Variants in NPSR1 observed in about 807,000 individuals in gnomAD.
NPSR1 encodes the protein neuropeptide S receptor 1, also known as neuropeptide S receptor.
In NPSR1, 48 loss-of-function variants were observed where a neutral mutation model predicts 46.9. The observed-to-expected ratio is 1.02, with a 90% CI of 0.81 to 1.30. NPSR1 has a LOEUF of 1.30. Ranked by LOEUF, NPSR1 falls within the 50% of genes most tolerant of loss-of-function variation. The probability of loss-of-function intolerance (pLI) is 0.00; values close to 1 mark genes in which losing one functional copy is unlikely to be tolerated. For synonymous variants in NPSR1, 176 were observed against 168.1 expected, an observed-to-expected ratio of 1.05 and a Z score of -0.36; for missense variants, 450 against 449.5, an observed-to-expected ratio of 1.00 and a Z score of -0.01.
At chr7:34,798,401 G>T (rs1469903820) in intron 3 of NPSR1, among the ~76,000 whole-genome samples, 3 of 152,192 alleles carry the variant, frequency 2.0e-5, no homozygotes, top group East Asian at 1.9e-4. Flanking sequence ...CAGATGTGGT[G>T]GCACGCACCT....
At chr7:34,751,374 A>G in intron 2 of NPSR1, 1 of 1,037,712 alleles carries the variant, frequency 9.6e-7, no homozygotes, top group South Asian at 1.3e-5. Flanking sequence ...CTGGGTTGCT[A>G]TAGAGGCCTG....
rs573119657 is a variant in NPSR1, at chr7:34,801,455, C to A, written c.385-10315C>A. On this transcript the variant is annotated intron_variant, in intron 3 of 8. Transcript: ENST00000360581. ...ATGTAATCCAGTATATAAACAGAAC[C>A]AAAGACAAAAACCACATGATTATCT... Among the ~76,000 whole-genome samples, 3 of 64,526 alleles carry A rather than the reference C, an allele frequency of 4.6e-5. No homozygotes were observed. In the East Asian group the frequency reaches 1.2e-3, roughly 26 times the overall value. 42.3% of individuals were successfully genotyped at this position (64,526 alleles called of 152,430 possible).
At chr7:34,823,237 A>C (rs1356288396) in intron 4 of NPSR1, among the ~76,000 whole-genome samples, 3 of 151,994 alleles carry the variant, frequency 2.0e-5, no homozygotes, top group Non-Finnish European at 4.4e-5. Flanking sequence ...CTAAAAAAAT[A>C]CAAAAATTAG....
chr7:34,760,025 C>T lies in NPSR1; in HGVS notation c.281-18437C>T, dbSNP rs1436937921. 7.2e-5 allele frequency among the ~76,000 whole-genome samples: 11 copies of T among 152,278 alleles called. No homozygotes were observed. In the East Asian group the frequency reaches 1.7e-3, roughly 24 times the overall value. The stretch of plus-strand genomic sequence containing the variant: ...ATCCGCCATCAGTTAATTTAATCAC[C>T]ACTGTTTCCATAGTGAGAATCTAAT... On this transcript the variant is annotated intron_variant, in intron 2 of 8. Transcript: ENST00000360581.
At chr7:34,688,330 C>T (rs1039170482) in intron 2 of NPSR1, among the ~76,000 whole-genome samples, 8 of 152,160 alleles carry the variant, frequency 5.3e-5, no homozygotes, top group African/African-American at 7.2e-5. Context: ...TGATGAAAAA[C>T]GAGGAGAAAA....
intron 8 of NPSR1, among the ~76,000 whole-genome samples, chr7:34,858,169 T>C (rs191940720): frequency 1.8e-4 from 27 of 151,878 alleles, no homozygotes; most frequent in African/African-American, 5.8e-4. Context: ...TCCCGTGACC[T>C]TGAAATTCCA....
intron 4 of NPSR1, among the ~76,000 whole-genome samples, chr7:34,821,127 CTTTTTTT>C (rs35086136): frequency 4.2e-5 from 4 of 94,852 alleles, no homozygotes; most frequent in Non-Finnish European, 8.6e-5. Flanking sequence ...TTGTGATACA[CTTTTTTT>C]TTTTTTTTTT....
chr7:34,862,497 C>T (rs1791212844), intron 8 of NPSR1, among the ~76,000 whole-genome samples: 1 of 151,748 alleles, frequency 6.6e-6, no homozygotes, highest in Non-Finnish European at 1.5e-5. Context: ...CCTCCCATAG[C>T]CATGGGATCA....
chr7:34,709,534 G>T (rs1214581628), intron 2 of NPSR1, among the ~76,000 whole-genome samples: 2 of 152,072 alleles, frequency 1.3e-5, no homozygotes, highest in Non-Finnish European at 2.9e-5. Context: ...GGCCTTCTGT[G>T]ACCAACCTGA....
At chr7:34,770,436 C>A (rs1040425068) in intron 2 of NPSR1, among the ~76,000 whole-genome samples, 1 of 152,102 alleles carries the variant, frequency 6.6e-6, no homozygotes, top group Non-Finnish European at 1.5e-5. Context: ...CTTGCCAATG[C>A]TTTTTTTGTT....
intron 4 of NPSR1, among the ~76,000 whole-genome samples, chr7:34,822,508 C>A (rs1433486826): frequency 2.6e-5 from 4 of 151,474 alleles, no homozygotes; most frequent in African/African-American, 9.7e-5. Context: ...AGGTCTTCAC[C>A]AAAAATGAAT....
intron 2 of NPSR1, among the ~76,000 whole-genome samples, chr7:34,699,615 C>T (rs1047278404): frequency 1.3e-5 from 2 of 152,124 alleles, no homozygotes; most frequent in Admixed American, 1.3e-4. Flanking sequence ...TCACTGCATC[C>T]TCATGTGGCC....
chr7:34,834,899 G>A (rs1449518653), intron 6 of NPSR1, among the ~76,000 whole-genome samples: 2 of 152,162 alleles, frequency 1.3e-5, no homozygotes, highest in Non-Finnish European at 2.9e-5. Flanking sequence ...GAACAATCTT[G>A]GACCCTTAGC....
chr7:34,696,612 G>C (rs925026107), intron 2 of NPSR1, among the ~76,000 whole-genome samples: 16 of 151,936 alleles, frequency 1.1e-4, no homozygotes, highest in South Asian at 2.1e-4. Context: ...TGTAGCTAAA[G>C]AAGAAATCAT....
chr7:34,730,076 GAATA>G (rs1043639469), intron 2 of NPSR1, among the ~76,000 whole-genome samples: 3 of 152,170 alleles, frequency 2.0e-5, no homozygotes, highest in African/African-American at 7.2e-5. Context: ...GCCTGGTCAT[GAATA>G]AATTTTAAAA....
intron 2 of NPSR1, among the ~76,000 whole-genome samples, chr7:34,745,254 G>A (rs1785145229): frequency 6.6e-6 from 1 of 151,974 alleles, no homozygotes; most frequent in African/African-American, 2.4e-5. Flanking sequence ...TATTCATTAT[G>A]CCTCTTCACT....
At chr7:34,798,981 C>A (rs1788334919) in intron 3 of NPSR1, among the ~76,000 whole-genome samples, 1 of 151,854 alleles carries the variant, frequency 6.6e-6, no homozygotes, top group Non-Finnish European at 1.5e-5. Context: ...ATTTATAACA[C>A]TGAATGGATA....
At chr7:34,698,909 C>T (rs1793678098) in intron 2 of NPSR1, among the ~76,000 whole-genome samples, 2 of 152,042 alleles carry the variant, frequency 1.3e-5, no homozygotes, top group African/African-American at 2.4e-5. Context: ...GAGACCATAA[C>T]AGTGAGAACA....
At chr7:34,750,483 G>T in intron 2 of NPSR1, 1 of 722,140 alleles carries the variant, frequency 1.4e-6, no homozygotes, top group Non-Finnish European at 2.6e-6. Context: ...AGAGGCTGGT[G>T]CCTACAAACA....
Sources: gnomAD v4.1 joint callset for allele counts (sites outside exome capture counted in the v4.1 genomes callset) on GRCh38, gnomAD v4.1.1 for gene constraint, MANE v1.5 for transcripts, NCBI Gene and HGNC (gene_info 2026-07-23, HGNC 2026-07-21) for gene names.